NDUFA10: variants seen among roughly 807,000 people sequenced by gnomAD.
NDUFA10 encodes the protein NADH dehydrogenase [ubiquinone] 1 alpha subcomplex subunit 10, mitochondrial.
In NDUFA10, 40 loss-of-function variants were observed where a neutral mutation model predicts 47.8. That is an observed-to-expected ratio of 0.84 (90% CI 0.65 to 1.09). The LOEUF (loss-of-function observed/expected upper bound fraction) is 1.09. Among genes scored for constraint, NDUFA10 ranks in the 50% least tolerant of loss-of-function variants. The pLI, the probability that NDUFA10 is intolerant of heterozygous loss-of-function variation, is 0.00. For missense variants in NDUFA10, 413 were observed against 451.1 expected, an observed-to-expected ratio of 0.92 and a Z score of 0.76; for synonymous variants, 183 against 172.2, an observed-to-expected ratio of 1.06 and a Z score of -0.49.
rs1201917420 is a variant in NDUFA10, at chr2:240,019,563, A to C, written c.461-924T>G. Among the ~76,000 whole-genome samples, 2 of 27,726 alleles carry C rather than the reference A, an allele frequency of 7.2e-5. 1 individual carries two copies. Among genetic ancestry groups the C allele is most frequent in the Non-Finnish European group, 1.6e-4 (2 of 12,594 alleles). 18.2% of individuals were successfully genotyped at this position (27,726 alleles called of 152,430 possible). A position where few individuals can be genotyped will look rare whatever the true frequency, so the allele number is the denominator to read the frequency against. On this transcript the variant is annotated intron_variant, in intron 3 of 9. Transcript: ENST00000252711. ...GCCGGGCGCGGTGGCTCACGCCTGT[A>C]ATCCCAGCACTTTGGGAGGCCGAGG...
At chr2:239,961,667 G>T (rs566463651) in intron 9 of NDUFA10, among the ~76,000 whole-genome samples, 2 of 152,354 alleles carry the variant, frequency 1.3e-5, no homozygotes, top group African/African-American at 4.8e-5. Flanking sequence ...GGCTGTAAGG[G>T]GCCCTTGGCG....
At chr2:239,999,990 T>TC (rs2106461197) in intron 8 of NDUFA10, among the ~76,000 whole-genome samples, 1 of 152,344 alleles carries the variant, frequency 6.6e-6, no homozygotes, top group South Asian at 2.1e-4. Flanking sequence ...GCGCCGTGGC[T>TC]CAGCGCATGA....
intron 3 of NDUFA10, among the ~76,000 whole-genome samples, chr2:240,020,693 T>G (rs1309000894): frequency 6.6e-6 from 1 of 152,186 alleles, no homozygotes; most frequent in Non-Finnish European, 1.5e-5. Context: ...CACTGGCCTA[T>G]GGGACCCTGT....
intron 9 of NDUFA10, among the ~76,000 whole-genome samples, chr2:239,978,121 C>G (rs1297984480): frequency 6.6e-6 from 1 of 152,086 alleles, no homozygotes; most frequent in Admixed American, 6.6e-5. Context: ...GCCAAGAGGC[C>G]CCCCTGCCTC....
chr2:239,960,554 GTTC>G lies in NDUFA10; in HGVS notation c.*561_*563del, dbSNP rs1559319113. On this transcript the variant is annotated 3_prime_UTR_variant, in exon 10 of 10. Transcript: ENST00000252711. ...TCTCCTTTTGCTATTTCTTCTTCAC[GTTC>G]TTATTTTTTCTACTCTAATGTAGCA... is the stretch of plus-strand genomic sequence containing the variant. 6 of 996,954 alleles carry G rather than the reference GTTC, an allele frequency of 6.0e-6. No individual in the cohort carries two copies. Among genetic ancestry groups the G allele is most frequent in the African/African-American group, 3.5e-5 (2 of 57,550 alleles). 61.8% of individuals were successfully genotyped at this position (996,954 alleles called of 1,614,324 possible).
At chr2:239,961,974 G>C (rs1214284188) in intron 9 of NDUFA10, among the ~76,000 whole-genome samples, 1 of 152,196 alleles carries the variant, frequency 6.6e-6, no homozygotes, top group South Asian at 2.1e-4. Context: ...ACAGGGCACA[G>C]GGAGATCTGG....
At chr2:240,002,319 A>G in intron 8 of NDUFA10, among the ~76,000 whole-genome samples, 1 of 142,590 alleles carries the variant, frequency 7.0e-6, no homozygotes, top group Non-Finnish European at 1.5e-5. Flanking sequence ...AACAAGAGCA[A>G]AACTCTGACT....
At chr2:239,983,630 C>G in intron 9 of NDUFA10, 1 of 1,586,710 alleles carries the variant, frequency 6.3e-7, no homozygotes, top group Non-Finnish European at 8.6e-7. Context: ...ACGGTCAGGG[C>G]CACGGTGCCA....
At chr2:239,899,079 G>GGGGTGT in intron 4 of NDUFA10, among the ~76,000 whole-genome samples, 1 of 46,958 alleles carries the variant, frequency 2.1e-5, no homozygotes, top group East Asian at 4.5e-4. Context: ...GTGTGATGGA[G>GGGGTGT]GAGTGTGGAG....
chr2:239,898,488 G>A (rs1471728489), intron 4 of NDUFA10, among the ~76,000 whole-genome samples: 3 of 152,216 alleles, frequency 2.0e-5, no homozygotes, highest in Non-Finnish European at 4.4e-5. Flanking sequence ...AGCTGATGCC[G>A]TATTTACGAG....
At chr2:239,904,967 T>C (rs773466763) in intron 4 of NDUFA10, among the ~76,000 whole-genome samples, 44 of 152,190 alleles carry the variant, frequency 2.9e-4, no homozygotes, top group Non-Finnish European at 5.6e-4. Flanking sequence ...CTCTTCCGCC[T>C]CTTATATAGA....
rs774613086 is a variant in NDUFA10, at chr2:239,984,799, C to T, written c.999+5275G>A. 5.8e-4 allele frequency among the ~76,000 whole-genome samples: 89 copies of T among 152,348 alleles called. 1 individual carries two copies. Among genetic ancestry groups the T allele is most frequent in the South Asian group, 2.1e-4 (1 of 4,828 alleles). On this transcript the variant is annotated intron_variant, in intron 9 of 9. Transcript: ENST00000252711. ...GGGCTGCACGTTCCCGTCCCTGAGG[C>T]GCTCCCTGGTCCCACCAGCAGAGCC...
intron 4 of NDUFA10, among the ~76,000 whole-genome samples, chr2:239,951,346 G>A (rs1015870391): frequency 6.6e-6 from 1 of 152,376 alleles, no homozygotes; most frequent in East Asian, 1.9e-4. Context: ...GAGGACAGCA[G>A]GGGGAGAGAC....
intron 6 of NDUFA10, among the ~76,000 whole-genome samples, chr2:240,009,962 A>G (rs1040164611): frequency 2.0e-5 from 3 of 152,242 alleles, no homozygotes; most frequent in African/African-American, 7.2e-5. Flanking sequence ...TGGCCAATAA[A>G]TTTTAAAATA....
chr2:240,010,922 C>T (rs79000392), intron 6 of NDUFA10, among the ~76,000 whole-genome samples: 124 of 152,028 alleles, frequency 8.2e-4, no homozygotes, highest in African/African-American at 2.9e-3. Context: ...TTTTAGGCAC[C>T]GAAAGAGGCT....
At chr2:239,915,037 CAGA>C (rs1693828338) in intron 4 of NDUFA10, among the ~76,000 whole-genome samples, 1 of 144,336 alleles carries the variant, frequency 6.9e-6, no homozygotes, top group Non-Finnish European at 1.5e-5. Flanking sequence ...CATACACACA[CAGA>C]ACACACACAT....
intron 4 of NDUFA10, among the ~76,000 whole-genome samples, chr2:239,929,858 G>A (rs1333922659): frequency 2.0e-5 from 3 of 149,674 alleles, no homozygotes; most frequent in Non-Finnish European, 3.0e-5. Context: ...CACTGCCCCT[G>A]CTCCTCAGCC....
chr2:239,924,847 G>T (rs575585438), intron 4 of NDUFA10, among the ~76,000 whole-genome samples: 4 of 152,044 alleles, frequency 2.6e-5, no homozygotes, highest in Non-Finnish European at 4.4e-5. Flanking sequence ...GAACTAATGC[G>T]TGTTCATCAA....
chr2:240,014,194 A>G (rs1425725911), intron 5 of NDUFA10: 1 of 167,974 alleles, frequency 6.0e-6, no homozygotes, highest in Non-Finnish European at 1.3e-5. Flanking sequence ...GTCACTTCAA[A>G]AGGCGTTGCT....
Sources: allele counts gnomAD v4.1 joint callset (sites outside exome capture counted in the v4.1 genomes callset), GRCh38; gene constraint gnomAD v4.1.1; transcripts MANE v1.5; gene names NCBI Gene and HGNC (gene_info 2026-07-23, HGNC 2026-07-21).